The following KIAA0319L variants were observed in gnomAD, a reference collection of about 807,000 sequenced individuals.
The protein encoded by KIAA0319L is KIAA0319 like.
A neutral mutation model predicts 120.1 loss-of-function variants in KIAA0319L; 55 were observed. The observed-to-expected ratio is 0.46, with a 90% CI of 0.37 to 0.57. KIAA0319L has a LOEUF of 0.57. Ranked by LOEUF, KIAA0319L falls within the 20% of genes least tolerant of loss-of-function variation. The pLI is 0.00. For missense variants in KIAA0319L, 1,049 were observed against 1,255.3 expected (o/e 0.84, Z 2.48); for synonymous variants, 398 against 471.9 (o/e 0.84, Z 2.03).
At chr1:35,446,139 AAT>A (rs1196787072) in intron 16 of KIAA0319L, among the ~76,000 whole-genome samples, 2 of 151,774 alleles carry the variant, frequency 1.3e-5, no homozygotes, top group Non-Finnish European at 3.0e-5. Context: ...ACTGAACTAT[AAT>A]CTCTGGGGCT....
At chr1:35,461,721 C>T (rs1419027989) in intron 8 of KIAA0319L, among the ~76,000 whole-genome samples, 2 of 152,136 alleles carry the variant, frequency 1.3e-5, no homozygotes, top group African/African-American at 4.8e-5. Context: ...TAACTTTCAC[C>T]TATTCAAAAC....
At chr1:35,484,781 T>C (rs1322894112) in intron 3 of KIAA0319L, among the ~76,000 whole-genome samples, 2 of 45,458 alleles carry the variant, frequency 4.4e-5, no homozygotes, top group East Asian at 1.4e-3. Context: ...TATATATATA[T>C]ATATATATAT....
chr1:35,543,172 G>A (rs971659232), intron 2 of KIAA0319L, among the ~76,000 whole-genome samples: 6 of 152,174 alleles, frequency 3.9e-5, no homozygotes, highest in South Asian at 2.1e-4. Context: ...CAATTAAATC[G>A]TGATATAACA....
intron 8 of KIAA0319L, among the ~76,000 whole-genome samples, 192 bp from the exon 9 acceptor site, chr1:35,460,629 T>A (rs964639730): frequency 6.6e-6 from 1 of 152,228 alleles, no homozygotes; most frequent in Admixed American, 6.5e-5. Flanking sequence ...TATTCTACTG[T>A]GTAGTTTTCC....
intron 2 of KIAA0319L, among the ~76,000 whole-genome samples, chr1:35,526,363 A>G (rs1646132081): frequency 7.0e-6 from 1 of 142,078 alleles, no homozygotes; most frequent in Non-Finnish European, 1.5e-5. Flanking sequence ...GTGTGTATAT[A>G]TATACATACA....
At chr1:35,498,521 A>G (rs1644893555) in intron 3 of KIAA0319L, among the ~76,000 whole-genome samples, 1 of 152,102 alleles carries the variant, frequency 6.6e-6, no homozygotes, top group Admixed American at 6.5e-5. Flanking sequence ...GTTTCAATTC[A>G]TATTCTCTTT....
At chr1:35,522,480 A>T (rs949341997) in intron 2 of KIAA0319L, among the ~76,000 whole-genome samples, 6 of 151,926 alleles carry the variant, frequency 3.9e-5, no homozygotes, top group Admixed American at 3.9e-4. Flanking sequence ...GGGTTTCACC[A>T]TGTTGGTCAG....
intron 1 of KIAA0319L, chr1:35,556,436 A>G (rs1433455791): frequency 1.3e-5 from 2 of 152,248 alleles, no homozygotes; most frequent in Non-Finnish European, 2.9e-5. Flanking sequence ...AAAAAGTCTC[A>G]GATATTTGGG....
intron 3 of KIAA0319L, among the ~76,000 whole-genome samples, chr1:35,501,997 G>T (rs868339227): frequency 6.6e-6 from 1 of 151,484 alleles, no homozygotes; most frequent in East Asian, 2.0e-4. Flanking sequence ...AAACAGGAAC[G>T]GGCAGGCACA....
chr1:35,543,689 T>C (rs1646878257), intron 2 of KIAA0319L, among the ~76,000 whole-genome samples: 1 of 152,106 alleles, frequency 6.6e-6, no homozygotes, highest in Admixed American at 6.5e-5. Context: ...GGACACTTAC[T>C]TGGGTTCAGG....
intron 1 of KIAA0319L, 53 bp from the exon 2 acceptor site, chr1:35,554,572 C>A: frequency 2.4e-6 from 3 of 1,228,338 alleles, no homozygotes; most frequent in South Asian, 1.7e-5. Flanking sequence ...ATAATTAATT[C>A]CTGGAAATGT....
At chr1:35,555,275 G>C (rs1647803221) in intron 1 of KIAA0319L, among the ~76,000 whole-genome samples, 1 of 152,144 alleles carries the variant, frequency 6.6e-6, no homozygotes, top group South Asian at 2.1e-4. Flanking sequence ...GGTTGACTGA[G>C]TTCTGAAGAA....
intron 1 of KIAA0319L, among the ~76,000 whole-genome samples, chr1:35,556,156 A>G (rs1289307258): frequency 1.3e-5 from 2 of 152,252 alleles, no homozygotes; most frequent in Non-Finnish European, 2.9e-5. Flanking sequence ...GAAAATCTAG[A>G]GAAGCTCACA....
chr1:35,554,658 A>C, intron 1 of KIAA0319L, 139 bp from the exon 2 acceptor site: 1 of 508,870 alleles, frequency 2.0e-6, no homozygotes, highest in South Asian at 4.3e-5. Flanking sequence ...CCCTGCCTAT[A>C]AATTTTAAAC....
intron 3 of KIAA0319L, among the ~76,000 whole-genome samples, chr1:35,493,722 G>A (rs1196856940): frequency 2.6e-5 from 4 of 152,020 alleles, no homozygotes; most frequent in Non-Finnish European, 4.4e-5. Context: ...GTACACATTT[G>A]TAGTCCCAGC....
In KIAA0319L at chr1:35,437,459, C is replaced by T. The variant is rs185420037; in HGVS notation, c.2963-2378G>A. Among the ~76,000 whole-genome samples the T allele has an allele frequency of 3.9e-5, 6 of 152,332 alleles. No homozygotes were observed. The highest frequency in any genetic ancestry group is 7.3e-5 in the Non-Finnish European group (5 of 68,030). ...AGAGGAGGCCCTTGCCCTCTGCCTG[C>T]CATCCTGCTTCTCTAGCTTTCACTG... On this transcript the variant is annotated intron_variant, in intron 20 of 20. Transcript: ENST00000325722. The surrounding 1 kb of genome is among the most constrained non-coding windows in gnomAD (Gnocchi z 4.1).
chr1:35,441,837 C>T (rs1641245938), intron 19 of KIAA0319L, among the ~76,000 whole-genome samples: 2 of 152,128 alleles, frequency 1.3e-5, no homozygotes, highest in African/African-American at 4.8e-5. Flanking sequence ...TGGAAACATG[C>T]ACACTCATGA....
At chr1:35,452,886 C>CT (rs1427621172) in intron 12 of KIAA0319L, among the ~76,000 whole-genome samples, 1 of 152,134 alleles carries the variant, frequency 6.6e-6, no homozygotes, top group Non-Finnish European at 1.5e-5. Flanking sequence ...CCAGGCTGTC[C>CT]TATGGTTGCT....
chr1:35,436,423 A>G (rs1024482493), intron 20 of KIAA0319L, among the ~76,000 whole-genome samples: 2 of 152,194 alleles, frequency 1.3e-5, no homozygotes, highest in African/African-American at 2.4e-5. Context: ...GCAGCGGAGC[A>G]GCAGGGCCAC....
Sources: gnomAD v4.1 joint callset for allele counts (sites outside exome capture counted in the v4.1 genomes callset) on GRCh38, gnomAD v4.1.1 for gene constraint, Gnocchi (gnomAD v3.1) non-coding constraint, MANE v1.5 for transcripts, NCBI Gene and HGNC (gene_info 2026-07-23, HGNC 2026-07-21) for gene names.